Variants in TMEM108 observed in about 807,000 individuals in gnomAD.
TMEM108 encodes transmembrane protein 108, also known as cancer/testis antigen 124.
In TMEM108, 12 loss-of-function variants were observed where a neutral mutation model predicts 35.1. That is an observed-to-expected ratio of 0.34 (90% CI 0.22 to 0.55). TMEM108 has a LOEUF of 0.55. Ranked by LOEUF, TMEM108 falls within the 20% of genes least tolerant of loss-of-function variation. The pLI, the probability that TMEM108 is intolerant of heterozygous loss-of-function variation, is 0.89. For synonymous variants in TMEM108, 287 were observed against 308.6 expected (o/e 0.93, Z 0.73); for missense variants, 680 against 753.3 (o/e 0.90, Z 1.14).
intron 3 of TMEM108, among the ~76,000 whole-genome samples, chr3:133,302,046 AGGAAG>A (rs1455976441): frequency 6.6e-6 from 1 of 152,214 alleles, no homozygotes; most frequent in African/African-American, 2.4e-5. Context: ...TGGCTGAGGA[AGGAAG>A]GATGCAGGGC....
intron 2 of TMEM108, among the ~76,000 whole-genome samples, chr3:133,202,637 G>C (rs1007534277): frequency 6.6e-6 from 1 of 152,100 alleles, no homozygotes. Context: ...CCTCTGTTCT[G>C]TTCCATTGGT....
At chr3:133,265,196 G>A (rs370434000) in intron 3 of TMEM108, among the ~76,000 whole-genome samples, 40 of 152,190 alleles carry the variant, frequency 2.6e-4, no homozygotes, top group Non-Finnish European at 3.8e-4. Flanking sequence ...ATAGCCAGAC[G>A]TAGGCAAGAC....
At chr3:133,195,392 A>C (rs1253864445) in intron 2 of TMEM108, among the ~76,000 whole-genome samples, 2 of 152,210 alleles carry the variant, frequency 1.3e-5, no homozygotes, top group Non-Finnish European at 2.9e-5. Context: ...TTTCTCTTCC[A>C]AACATTCTTC....
chr3:133,327,078 T>G (rs2071341973), intron 3 of TMEM108, among the ~76,000 whole-genome samples: 1 of 152,010 alleles, frequency 6.6e-6, no homozygotes, highest in African/African-American at 2.4e-5. Flanking sequence ...AGGCTGTGAG[T>G]GTGTGTGACT....
intron 2 of TMEM108, among the ~76,000 whole-genome samples, chr3:133,073,527 TATATA>T (rs1943704120): frequency 7.3e-6 from 1 of 137,560 alleles, no homozygotes; most frequent in African/African-American, 2.6e-5. Flanking sequence ...TATATATATA[TATATA>T]TATCACATTT....
intron 2 of TMEM108, among the ~76,000 whole-genome samples, chr3:133,173,317 A>G (rs972230734): frequency 6.6e-6 from 1 of 152,224 alleles, no homozygotes; most frequent in East Asian, 1.9e-4. Context: ...GAGGGAGCCT[A>G]TGTACACATG....
chr3:133,351,313 C>A (rs1340086810), intron 3 of TMEM108, among the ~76,000 whole-genome samples: 1 of 152,166 alleles, frequency 6.6e-6, no homozygotes, highest in Non-Finnish European at 1.5e-5. Flanking sequence ...CCTTACGGCC[C>A]TGCTTACTTC....
At chr3:133,171,652 A>G (rs1945132395) in intron 2 of TMEM108, among the ~76,000 whole-genome samples, 1 of 152,200 alleles carries the variant, frequency 6.6e-6, no homozygotes. Context: ...GGTGATATAT[A>G]TTAGTTTACT....
intron 5 of TMEM108, among the ~76,000 whole-genome samples, chr3:133,394,999 T>C (rs1403269576): frequency 6.6e-6 from 1 of 152,238 alleles, no homozygotes; most frequent in African/African-American, 2.4e-5. Flanking sequence ...GAAGAAGCTA[T>C]GACTTTCTTT....
chr3:133,173,332 A>C (rs1222605331), intron 2 of TMEM108, among the ~76,000 whole-genome samples: 1 of 152,238 alleles, frequency 6.6e-6, no homozygotes, highest in East Asian at 1.9e-4. Flanking sequence ...CACATGTGAA[A>C]TTTGTAAAAG....
At chr3:133,050,978 GT>G (rs58955436) in intron 2 of TMEM108, among the ~76,000 whole-genome samples, 213 of 145,394 alleles carry the variant, frequency 1.5e-3, no homozygotes, top group Middle Eastern at 3.5e-3. Flanking sequence ...CTGTGTGCGA[GT>G]TTTTTTTTTT....
At chr3:133,286,184 T>A (rs1946982277) in intron 3 of TMEM108, among the ~76,000 whole-genome samples, 1 of 152,136 alleles carries the variant, frequency 6.6e-6, no homozygotes, top group Non-Finnish European at 1.5e-5. Context: ...TTCAATAAAC[T>A]CCTTCTATAG....
intron 3 of TMEM108, among the ~76,000 whole-genome samples, chr3:133,264,168 CTT>C (rs58978021): frequency 6.6e-6 from 1 of 151,406 alleles, no homozygotes; most frequent in South Asian, 2.1e-4. Flanking sequence ...AAATAGAAAA[CTT>C]TTTTTTAAAA....
At chr3:133,226,147 G>C (rs1219158487) in intron 2 of TMEM108, among the ~76,000 whole-genome samples, 1 of 152,184 alleles carries the variant, frequency 6.6e-6, no homozygotes, top group Non-Finnish European at 1.5e-5. Flanking sequence ...TGAAGACCTG[G>C]AATCAATAGA....
intron 2 of TMEM108, among the ~76,000 whole-genome samples, chr3:133,079,329 G>A (rs575103208): frequency 1.8e-4 from 28 of 152,234 alleles, no homozygotes; most frequent in Non-Finnish European, 3.2e-4. Flanking sequence ...TGAGATGTTC[G>A]TCATTATCTT....
rs62282265 is a variant in TMEM108 at position 133,237,353 on chromosome 3, A to G, written c.40+8002A>G. ...TTGAACTTAACACATGAATCCATTC[A>G]TGTCTCTGCATCCCCATTGTCTCAG... On this transcript the variant is annotated intron_variant, in intron 3 of 5. Coordinates refer to ENST00000321871, the MANE Select transcript of TMEM108 (RefSeq NM_023943.4). 9.4e-3 allele frequency among the ~76,000 whole-genome samples: 1,383 copies of G among 146,554 alleles called. 10 individuals are homozygous for G. Among genetic ancestry groups the G allele is most frequent in the Admixed American group, 0.013 (193 of 14,774 alleles).
chr3:133,309,924 T>C (rs576809292), intron 3 of TMEM108, among the ~76,000 whole-genome samples: 2 of 152,010 alleles, frequency 1.3e-5, no homozygotes, highest in African/African-American at 4.8e-5. Flanking sequence ...ATGGTCTCGA[T>C]CTCCTGACCT....
chr3:133,106,963 A>G (rs1944160524), intron 2 of TMEM108, among the ~76,000 whole-genome samples: 1 of 152,242 alleles, frequency 6.6e-6, no homozygotes, highest in Non-Finnish European at 1.5e-5. Flanking sequence ...TTTGTTTCAC[A>G]GTAATAGATA....
chr3:133,113,113 G>A (rs748950542), intron 2 of TMEM108, among the ~76,000 whole-genome samples: 11 of 152,260 alleles, frequency 7.2e-5, no homozygotes, highest in South Asian at 2.1e-4. Flanking sequence ...GAGTTATTAT[G>A]AAGTGGTGGA....
Sources: allele counts gnomAD v4.1 joint callset (sites outside exome capture counted in the v4.1 genomes callset), GRCh38; gene constraint gnomAD v4.1.1; transcripts MANE v1.5; gene names NCBI Gene and HGNC (gene_info 2026-07-23, HGNC 2026-07-21).